Variants in SRGAP2 observed in about 807,000 individuals in gnomAD.
The protein encoded by SRGAP2 is SLIT-ROBO Rho GTPase activating protein 2.
In SRGAP2, 15 loss-of-function variants were observed where a neutral mutation model predicts 57.2. That is an observed-to-expected ratio of 0.26 (90% CI 0.18 to 0.40). The LOEUF (loss-of-function observed/expected upper bound fraction) is 0.40. Ranked by LOEUF, SRGAP2 falls within the 10% of genes least tolerant of loss-of-function variation. The pLI is 1.00. For missense variants in SRGAP2, 520 were observed against 669.6 expected (o/e 0.78, Z 2.47); for synonymous variants, 249 against 248.0 (o/e 1.00, Z -0.04).
At chr1:206,229,931 TAC>T (rs66901207) in intron 2 of SRGAP2, among the ~76,000 whole-genome samples, 14,648 of 141,478 alleles carry the variant, frequency 0.1, 734 homozygotes, top group South Asian at 0.23. Context: ...TACACATACA[TAC>T]ACACACACAC....
intron 2 of SRGAP2, among the ~76,000 whole-genome samples, chr1:206,290,918 T>G (rs1671283280): frequency 6.6e-6 from 1 of 152,126 alleles, no homozygotes; most frequent in South Asian, 2.1e-4. Flanking sequence ...CCTCTCCAGT[T>G]GATAGCATCT....
chr1:206,278,814 G>C (rs1432917519), intron 2 of SRGAP2, among the ~76,000 whole-genome samples: 13 of 146,046 alleles, frequency 8.9e-5, no homozygotes, highest in Admixed American at 8.6e-4. Context: ...CCAGTTTAAA[G>C]GCCTTAAGGT....
chr1:206,425,338 G>GT (rs1400131438), intron 13 of SRGAP2, among the ~76,000 whole-genome samples: 4 of 152,034 alleles, frequency 2.6e-5, no homozygotes, highest in Admixed American at 6.5e-5. Flanking sequence ...GTTAATTAGG[G>GT]TATCTGTCAT....
rs568825169 is a variant in SRGAP2, at chr1:206,222,674, A to G, written c.67+16637A>G. On this transcript the variant is annotated intron_variant, in intron 2 of 22. Coordinates refer to ENST00000573034, the MANE Select transcript of SRGAP2 (RefSeq NM_015326.5). Reference sequence around the variant, plus strand: ...ACATTTTGGAGATCCTGTCTCCAAAAAAAAAAAGATGGAGGTAGTTTTTTG... The same window carrying G: ...ACATTTTGGAGATCCTGTCTCCAAAGAAAAAAAGATGGAGGTAGTTTTTTG... Among the ~76,000 whole-genome samples the G allele has an allele frequency of 6.7e-5, 10 of 150,144 alleles. No homozygotes were observed. In the Middle Eastern group the frequency reaches 0.01, roughly 154 times the overall value.
chr1:206,304,131 C>T (rs1477034760), intron 3 of SRGAP2, among the ~76,000 whole-genome samples: 16 of 151,836 alleles, frequency 1.1e-4, no homozygotes, highest in Non-Finnish European at 2.4e-4. Flanking sequence ...GGCCCATTCA[C>T]TTGGTTCCCA....
chr1:206,441,271 G>A (rs1216878470), intron 17 of SRGAP2, among the ~76,000 whole-genome samples: 1 of 152,186 alleles, frequency 6.6e-6, no homozygotes, highest in African/African-American at 2.4e-5. Flanking sequence ...CCTTAAGGGA[G>A]AAACCAGGAG....
At chr1:206,458,243 G>T in intron 21 of SRGAP2, 1 of 429,234 alleles carries the variant, frequency 2.3e-6, no homozygotes, top group Non-Finnish European at 4.6e-6. Context: ...GACCTCTTTG[G>T]TGATGGTGAG....
At chr1:206,314,292 G>A (rs1179583842) in intron 3 of SRGAP2, among the ~76,000 whole-genome samples, 7 of 151,918 alleles carry the variant, frequency 4.6e-5, no homozygotes, top group Non-Finnish European at 1.0e-4. Context: ...GCGCCACGAC[G>A]CCAGGCTAAT....
At chr1:206,404,306 G>GT (rs1658484180) in intron 8 of SRGAP2, among the ~76,000 whole-genome samples, 2 of 150,762 alleles carry the variant, frequency 1.3e-5, no homozygotes, top group South Asian at 2.1e-4. Flanking sequence ...TTGAAGAAAG[G>GT]TTTTTTCTTT....
chr1:206,413,742 G>T (rs148676987), intron 10 of SRGAP2, among the ~76,000 whole-genome samples: 1 of 152,122 alleles, frequency 6.6e-6, no homozygotes, highest in Non-Finnish European at 1.5e-5. Flanking sequence ...GAATGACATG[G>T]TCTCTGACCA....
intron 2 of SRGAP2, among the ~76,000 whole-genome samples, chr1:206,266,039 A>AAGGT (rs1327312638): frequency 6.6e-6 from 1 of 151,528 alleles, no homozygotes; most frequent in Non-Finnish European, 1.5e-5. Context: ...AGGTGCTTAG[A>AAGGT]GATCATCTAG....
At position 206,453,191 on chromosome 1, in the gene SRGAP2, C is replaced by T. The variant is rs531615624; in HGVS notation, c.2180-9C>T. On this transcript the variant is annotated splice_polypyrimidine_tract_variant and intron_variant, in intron 19 of 22. Transcript: ENST00000573034. The stretch of plus-strand genomic sequence containing the variant: ...GAACATGTGTTTACTTCTTTTCCAC[C>T]CTTCTCAGAATGTGAGCCCATCGAG... The T allele has an allele frequency of 8.3e-5, 41 of 494,128 alleles. No individual in the cohort carries two copies. The highest frequency in any genetic ancestry group is 5.8e-4 in the Middle Eastern group (2 of 3,426). 30.6% of individuals were successfully genotyped at this position (494,128 alleles called of 1,614,324 possible).
chr1:206,445,474 G>A (rs147305041), intron 17 of SRGAP2, among the ~76,000 whole-genome samples: 2 of 152,312 alleles, frequency 1.3e-5, no homozygotes, highest in African/African-American at 2.4e-5. Context: ...TTATGAACAC[G>A]AAAAACAATT....
intron 14 of SRGAP2, among the ~76,000 whole-genome samples, chr1:206,432,037 G>A (rs1553368465): frequency 1.3e-5 from 2 of 152,228 alleles, no homozygotes; most frequent in Non-Finnish European, 2.9e-5. Context: ...AGGAAGATGG[G>A]AAGCCACTGG....
chr1:206,449,778 G>A (rs1347814893), intron 18 of SRGAP2, among the ~76,000 whole-genome samples: 1 of 151,998 alleles, frequency 6.6e-6, no homozygotes, highest in Non-Finnish European at 1.5e-5. Flanking sequence ...CAACCTAGAG[G>A]CATCAAGCAA....
intron 3 of SRGAP2, among the ~76,000 whole-genome samples, chr1:206,338,091 T>C (rs1345986270): frequency 3.0e-3 from 408 of 138,184 alleles, no homozygotes; most frequent in Non-Finnish European, 4.6e-3. Context: ...ACTTTCCGGG[T>C]CTCCTTTCGA....
intron 3 of SRGAP2, among the ~76,000 whole-genome samples, chr1:206,327,878 A>G (rs1674073836): frequency 2.2e-5 from 2 of 92,990 alleles, no homozygotes; most frequent in Admixed American, 1.0e-4. Context: ...ACATATGTAT[A>G]CATGTGCCAT....
chr1:206,334,264 G>A (rs561339643), intron 3 of SRGAP2, among the ~76,000 whole-genome samples: 1 of 149,426 alleles, frequency 6.7e-6, no homozygotes, highest in African/African-American at 2.5e-5. Context: ...CTGTCCTCAA[G>A]AGAATTCCTT....
At chr1:206,354,016 CTGGGGCTCAAA>C (rs1387449943) in intron 4 of SRGAP2, among the ~76,000 whole-genome samples, 7 of 151,944 alleles carry the variant, frequency 4.6e-5, no homozygotes, top group African/African-American at 1.7e-4. Context: ...GGCTTGAACT[CTGGGGCTCAAA>C]TGATCCTTCC....
Sources: allele counts gnomAD v4.1 joint callset (sites outside exome capture counted in the v4.1 genomes callset), GRCh38; gene constraint gnomAD v4.1.1; transcripts MANE v1.5; gene names NCBI Gene and HGNC (gene_info 2026-07-23, HGNC 2026-07-21).